Variants in TNRC6A observed in about 807,000 individuals in gnomAD.
TNRC6A encodes the protein trinucleotide repeat containing adaptor 6A, also known as trinucleotide repeat-containing gene 6A protein.
In TNRC6A, 44 loss-of-function variants were observed where a neutral mutation model predicts 221.2. The observed-to-expected ratio is 0.20, with a 90% CI of 0.16 to 0.26. The LOEUF is 0.26. TNRC6A is among the 10% of genes least tolerant of loss of function. The probability of loss-of-function intolerance (pLI) is 1.00; values close to 1 mark genes in which losing one functional copy is unlikely to be tolerated. For missense variants in TNRC6A, 2,199 were observed against 2,404.4 expected (o/e 0.91, Z 1.79); for synonymous variants, 847 against 838.5 (o/e 1.01, Z -0.18).
rs1555479984 is a variant in TNRC6A at position 24,623,186 on chromosome 16, T to TTTATTTAC, written n.276+12709_276+12716dup. 5.0e-3 allele frequency among the ~76,000 whole-genome samples: 647 copies of TTTATTTAC among 128,998 alleles called. 6 individuals are homozygous for TTTATTTAC. Among genetic ancestry groups the TTTATTTAC allele is most frequent in the African/African-American group, 0.021 (609 of 29,016 alleles). 84.6% of individuals were successfully genotyped at this position (128,998 alleles called of 152,430 possible). On this transcript the variant is annotated intron_variant and non_coding_transcript_variant, in intron 1 of 2. Transcript: ENST00000566108. ...ATTTATTTATTTATTTATTTATTTA[T>TTTATTTAC]TTATTTACTTATTTTATTTATTTTT...
At chr16:24,612,779 A>G (rs546922630) in intron 1 of TNRC6A, among the ~76,000 whole-genome samples, 3 of 151,950 alleles carry the variant, frequency 2.0e-5, no homozygotes, top group Admixed American at 2.0e-4. Flanking sequence ...AACAGTTGCC[A>G]TGTGACAGTT....
rs1567319446 is a variant in TNRC6A at position 24,643,107 on chromosome 16, TAAAA to T, written n.402+2099_402+2102del. Among the ~76,000 whole-genome samples the T allele has an allele frequency of 1.6e-3, 102 of 62,100 alleles. 3 individuals are homozygous for T. Among genetic ancestry groups the T allele is most frequent in the Middle Eastern group, 9.6e-3 (1 of 104 alleles). The allele number at this position is 62,100 out of a possible 152,430, so 40.7% of individuals were successfully genotyped here. ...TATATATATATTTTATATATATATA[TAAAA>T]TATATATATATAAAATATATATATA... On this transcript the variant is annotated intron_variant and non_coding_transcript_variant, in intron 2 of 2. Coordinates refer to the TNRC6A transcript ENST00000566108.
At chr16:24,797,993 T>G (rs2058254779) in intron 11 of TNRC6A, 27 bp downstream of exon 11, 2 of 1,594,908 alleles carry the variant, frequency 1.3e-6, no homozygotes, top group Admixed American at 1.7e-5. Flanking sequence ...TCTGTTTATA[T>G]TCCTCATTGA....
chr16:24,666,668 A>AAT (rs1555487102), intron 2 of TNRC6A, among the ~76,000 whole-genome samples: 3,678 of 64,676 alleles, frequency 0.057, 211 homozygotes, highest in African/African-American at 0.074. Flanking sequence ...AAAAAAAAAA[A>AAT]ATATATATAT....
At chr16:24,774,769 G>T (rs1458121141) in intron 4 of TNRC6A, among the ~76,000 whole-genome samples, 1 of 152,104 alleles carries the variant, frequency 6.6e-6, no homozygotes, top group Non-Finnish European at 1.5e-5. Flanking sequence ...TATCTGTGAT[G>T]CATTGGTTCC....
intron 2 of TNRC6A, among the ~76,000 whole-genome samples, chr16:24,717,632 C>T (rs7201727): frequency 0.1 from 15,403 of 151,950 alleles, 1,777 homozygotes; most frequent in East Asian, 0.35. Context: ...CCAGAGACCA[C>T]ACAGAAGTCT....
chr16:24,643,945 G>A lies in TNRC6A; in HGVS notation n.402+2936G>A. On this transcript the variant is annotated intron_variant and non_coding_transcript_variant, in intron 2 of 2. Transcript: ENST00000566108. ...TAGTGGATGATGAGATGAGAGGGGCGACAAGTGACTTAGACAGCCCTCTTG... is the reference window on the plus strand; with the variant it reads ...TAGTGGATGATGAGATGAGAGGGGCAACAAGTGACTTAGACAGCCCTCTTG... Among the ~76,000 whole-genome samples the A allele has an allele frequency of 1.3e-5, 2 of 152,094 alleles. 1 individual carries two copies.
At chr16:24,706,956 G>C (rs972804037) in intron 2 of TNRC6A, among the ~76,000 whole-genome samples, 17 of 147,914 alleles carry the variant, frequency 1.1e-4, no homozygotes, top group African/African-American at 4.0e-4. Context: ...ACAGATAAAC[G>C]ATGTATTTAT....
At chr16:24,619,767 A>G (rs1255798971) in intron 1 of TNRC6A, among the ~76,000 whole-genome samples, 1 of 152,190 alleles carries the variant, frequency 6.6e-6, no homozygotes, top group African/African-American at 2.4e-5. Flanking sequence ...AGGAAAGGTC[A>G]GTTGTACAGG....
At chr16:24,643,409 G>C (rs572183938) in intron 2 of TNRC6A, among the ~76,000 whole-genome samples, 1 of 151,970 alleles carries the variant, frequency 6.6e-6, no homozygotes, top group East Asian at 1.9e-4. Context: ...ATTAGGGCAG[G>C]CATAGGGTCC....
chr16:24,755,659 C>CT (rs1186111329), intron 3 of TNRC6A, among the ~76,000 whole-genome samples: 1 of 152,200 alleles, frequency 6.6e-6, no homozygotes, highest in Non-Finnish European at 1.5e-5. Flanking sequence ...ACGAAGTGTG[C>CT]TTCAGGACCA....
Position 24,815,571 on chromosome 16 carries a change from T to C in TNRC6A, c.4831+266T>C, listed in dbSNP as rs554347482. Reference sequence around the variant, plus strand: ...AGCATGAAGAATTATATTAAAAACTTTAGGCTGGGCGCAGTGGCACATGCC... The same window carrying C: ...AGCATGAAGAATTATATTAAAAACTCTAGGCTGGGCGCAGTGGCACATGCC... On this transcript the variant is annotated intron_variant, in intron 19 of 24. Transcript: ENST00000395799. The C allele has an allele frequency of 3.2e-4, 139 of 429,308 alleles. 1 individual carries two copies. The highest frequency in any genetic ancestry group is 3.0e-3 in the South Asian group (136 of 45,094). 26.6% of individuals were successfully genotyped at this position (429,308 alleles called of 1,614,324 possible).
At chr16:24,655,550 G>A (rs750994220) in intron 2 of TNRC6A, among the ~76,000 whole-genome samples, 13 of 151,964 alleles carry the variant, frequency 8.6e-5, no homozygotes, top group East Asian at 3.9e-4. Flanking sequence ...TTAGCCAGGC[G>A]TGGTGGCACA....
At chr16:24,751,152 C>G (rs2057127889) in intron 3 of TNRC6A, among the ~76,000 whole-genome samples, 1 of 152,192 alleles carries the variant, frequency 6.6e-6, no homozygotes, top group Non-Finnish European at 1.5e-5. Flanking sequence ...AAATCTCACT[C>G]TCCCACATAG....
At chr16:24,687,881 A>AAGAAGC (rs1474000799) in intron 2 of TNRC6A, among the ~76,000 whole-genome samples, 9 of 147,998 alleles carry the variant, frequency 6.1e-5, no homozygotes, top group East Asian at 2.0e-4. Flanking sequence ...GAAGAAGAAG[A>AAGAAGC]AGCAGCTTAT....
chr16:24,726,425 G>T (rs2056493466), upstream of TNRC6A, among the ~76,000 whole-genome samples: 1 of 151,634 alleles, frequency 6.6e-6, no homozygotes, highest in African/African-American at 2.4e-5. Context: ...TGTCAGGATG[G>T]CCTAGCAAAG....
chr16:24,675,700 CTCTATATATATA>C (rs1372988195), intron 2 of TNRC6A, among the ~76,000 whole-genome samples: 79 of 54,870 alleles, frequency 1.4e-3, no homozygotes, highest in Non-Finnish European at 2.1e-3. Context: ...CTCTCTCTCT[CTCTATATATATA>C]TATATATATA....
chr16:24,758,248 C>T lies in TNRC6A; in HGVS notation c.142-91C>T, dbSNP rs192583720. The T allele has an allele frequency of 5.1e-5, 65 of 1,264,842 alleles. No individual in the cohort carries two copies. The Admixed American group carries it at 1.2e-3, about 24-fold the overall frequency. 78.4% of individuals were successfully genotyped at this position (1,264,842 alleles called of 1,614,324 possible). A position where few individuals can be genotyped will look rare whatever the true frequency, so the allele number is the denominator to read the frequency against. On this transcript the variant is annotated intron_variant, in intron 3 of 24. Coordinates refer to ENST00000395799, the MANE Select transcript of TNRC6A (RefSeq NM_014494.4). ...CCTTGTTTAATAAAGGTGTATATGT[C>T]TTATATTAATATATGAACATTTTAT... is the stretch of plus-strand genomic sequence containing the variant.
chr16:24,644,122 T>C (rs1452172217), intron 2 of TNRC6A, among the ~76,000 whole-genome samples: 1 of 125,142 alleles, frequency 8.0e-6, no homozygotes, highest in Non-Finnish European at 1.6e-5. Flanking sequence ...AGTCTCGCTC[T>C]GTCGCCCAGG....
Sources: allele counts gnomAD v4.1 joint callset (sites outside exome capture counted in the v4.1 genomes callset), GRCh38; gene constraint gnomAD v4.1.1; transcripts MANE v1.5; gene names NCBI Gene and HGNC (gene_info 2026-07-23, HGNC 2026-07-21).